Variants in TBC1D4 observed in about 807,000 individuals in gnomAD.
TBC1D4 encodes TBC1 domain family member 4, also known as TBC (Tre-2, BUB2, CDC16) domain-containing protein.
Under a neutral mutation model 142.5 loss-of-function variants are expected in TBC1D4, and 121 were observed. The observed-to-expected ratio is 0.85, with a 90% CI of 0.73 to 0.99. The LOEUF is 0.99. Ranked by LOEUF, TBC1D4 falls within the 50% of genes least tolerant of loss-of-function variation. TBC1D4 has a pLI of 0.00. For synonymous variants in TBC1D4, 630 were observed against 628.2 expected (o/e 1.00, Z -0.04); for missense variants, 1,475 against 1,606.6 (o/e 0.92, Z 1.40).
chr13:75,310,194 C>T (rs200678063), intron 13 of TBC1D4, 43 bp from the exon 14 acceptor site: 19 of 1,571,238 alleles, frequency 1.2e-5, no homozygotes, highest in Non-Finnish European at 1.7e-5. Context: ...TAGCAGTAAC[C>T]CAGACTACCC....
rs778423955 is a variant in TBC1D4 at position 75,326,315 on chromosome 13, G to A, written c.1915C>T (p.Arg639Trp). ...GGTGGGTGGCTGAACGTGTGTGCCCGTCTTCGAAACTGCGGGGAGTCGGAA... is the reference window on the plus strand; with the variant it reads ...GGTGGGTGGCTGAACGTGTGTGCCCATCTTCGAAACTGCGGGGAGTCGGAA... Reference protein sequence around the residue: ...EDSDSPQFRRRAHTFSHPPSS... With the variant: ...EDSDSPQFRRWAHTFSHPPSS... Residue 639 changes from arginine to tryptophan, a missense_variant, in exon 10 of 21, where the codon CGG becomes TGG. Transcript: ENST00000377636. 7 of 1,614,100 alleles carry A rather than the reference G, an allele frequency of 4.3e-6. No homozygotes were observed. Among genetic ancestry groups the A allele is most frequent in the East Asian group, 2.2e-5 (1 of 44,872 alleles).
intron 1 of TBC1D4, among the ~76,000 whole-genome samples, chr13:75,415,137 A>G (rs2138095851): frequency 6.6e-6 from 1 of 151,888 alleles, no homozygotes; most frequent in African/African-American, 2.4e-5. Context: ...AAAAAAAAAA[A>G]AAAAGTAAAG....
At chr13:75,305,892 AAATT>A (rs926663127) in intron 15 of TBC1D4, among the ~76,000 whole-genome samples, 9 of 152,196 alleles carry the variant, frequency 5.9e-5, no homozygotes, top group Admixed American at 2.0e-4. Flanking sequence ...GGATGAAAGA[AAATT>A]GATTGATTAC....
intron 1 of TBC1D4, among the ~76,000 whole-genome samples, chr13:75,409,994 G>T (rs148506649): frequency 6.6e-6 from 1 of 152,086 alleles, no homozygotes; most frequent in Admixed American, 6.5e-5. Flanking sequence ...TTTTAAATTT[G>T]TTCACCAAAT....
intron 1 of TBC1D4, among the ~76,000 whole-genome samples, chr13:75,447,410 T>C (rs1049533990): frequency 4.6e-5 from 7 of 152,042 alleles, no homozygotes; most frequent in African/African-American, 1.4e-4. Context: ...CAGATTCTTA[T>C]TGTTACTTAT....
At chr13:75,358,085 T>G (rs975100876) in intron 3 of TBC1D4, among the ~76,000 whole-genome samples, 2 of 152,092 alleles carry the variant, frequency 1.3e-5, no homozygotes, top group Admixed American at 1.3e-4. Flanking sequence ...AGGCACAGCT[T>G]TTGAGGATGC....
chr13:75,479,491 C>T (rs1888746523), intron 1 of TBC1D4, among the ~76,000 whole-genome samples: 1 of 151,918 alleles, frequency 6.6e-6, no homozygotes, highest in Admixed American at 6.6e-5. Context: ...TAATTGACTT[C>T]CTACCAATGA....
At chr13:75,428,932 A>C (rs1886484575) in intron 1 of TBC1D4, among the ~76,000 whole-genome samples, 1 of 152,176 alleles carries the variant, frequency 6.6e-6, no homozygotes, top group African/African-American at 2.4e-5. Flanking sequence ...TAATGATGAC[A>C]GTAGGCCCCC....
intron 18 of TBC1D4, 38 bp from the exon 19 acceptor site, chr13:75,292,309 G>C: frequency 6.5e-7 from 1 of 1,547,438 alleles, no homozygotes; most frequent in South Asian, 1.1e-5. Context: ...TCAAAACTAT[G>C]CATCCACTCT....
chr13:75,327,938 G>A (rs1338779169), intron 8 of TBC1D4, 112 bp from the exon 9 acceptor site: 2 of 1,086,250 alleles, frequency 1.8e-6, no homozygotes, highest in African/African-American at 3.1e-5. Flanking sequence ...TGATCATTTT[G>A]TGGTTCACTT....
chr13:75,409,153 T>G (rs2138386000), intron 1 of TBC1D4, among the ~76,000 whole-genome samples: 1 of 152,296 alleles, frequency 6.6e-6, no homozygotes, highest in East Asian at 1.9e-4. Context: ...ATAATATGAA[T>G]ATATACGTAA....
At chr13:75,436,247 A>C (rs1886795562) in intron 1 of TBC1D4, among the ~76,000 whole-genome samples, 1 of 152,156 alleles carries the variant, frequency 6.6e-6, no homozygotes, top group African/African-American at 2.4e-5. Context: ...CCGTGAGTCC[A>C]TTCAAACTTT....
intron 1 of TBC1D4, among the ~76,000 whole-genome samples, chr13:75,458,406 G>A (rs1177081314): frequency 2.6e-5 from 4 of 152,056 alleles, no homozygotes; most frequent in South Asian, 2.1e-4. Flanking sequence ...CGTGACTCGC[G>A]GAGCTTAGGG....
chr13:75,294,358 G>C (rs1260598030), intron 18 of TBC1D4, among the ~76,000 whole-genome samples: 1 of 152,210 alleles, frequency 6.6e-6, no homozygotes, highest in African/African-American at 2.4e-5. Flanking sequence ...CATGAAAGAA[G>C]AGTCACATGA....
intron 14 of TBC1D4, among the ~76,000 whole-genome samples, chr13:75,308,950 G>C (rs549149282): frequency 6.6e-6 from 1 of 152,180 alleles, no homozygotes; most frequent in Non-Finnish European, 1.5e-5. Flanking sequence ...TTGAATCATA[G>C]GTGTAGTAAC....
At chr13:75,301,134 T>C (rs1453008603) in intron 16 of TBC1D4, among the ~76,000 whole-genome samples, 1 of 152,170 alleles carries the variant, frequency 6.6e-6, no homozygotes, top group Non-Finnish European at 1.5e-5. Flanking sequence ...AATCTTGTAT[T>C]TTCCCAAATG....
At chr13:75,287,505 A>G (rs959950074) in intron 20 of TBC1D4, among the ~76,000 whole-genome samples, 1 of 152,248 alleles carries the variant, frequency 6.6e-6, no homozygotes, top group Non-Finnish European at 1.5e-5. Context: ...GAAAAAGTCT[A>G]CAACAGTTCA....
intron 8 of TBC1D4, among the ~76,000 whole-genome samples, chr13:75,335,629 C>T (rs371835652): frequency 6.6e-6 from 1 of 152,104 alleles, no homozygotes; most frequent in Non-Finnish European, 1.5e-5. Context: ...TTAGCACCAT[C>T]CACTTGGTGC....
intron 7 of TBC1D4, among the ~76,000 whole-genome samples, chr13:75,339,485 C>T (rs1180294558): frequency 6.6e-6 from 1 of 152,132 alleles, no homozygotes; most frequent in African/African-American, 2.4e-5. Context: ...AGCCTTGTTT[C>T]CCCCACCAAT....
Sources: allele counts gnomAD v4.1 joint callset (sites outside exome capture counted in the v4.1 genomes callset), GRCh38; gene constraint gnomAD v4.1.1; transcripts MANE v1.5; gene names NCBI Gene and HGNC (gene_info 2026-07-23, HGNC 2026-07-21).